CADM2: variants seen among roughly 807,000 people sequenced by gnomAD.
CADM2 encodes the protein immunoglobulin superfamily member 4D.
A neutral mutation model predicts 49.8 loss-of-function variants in CADM2; 12 were observed. The ratio of observed to expected loss-of-function variants is 0.24; its 90% CI spans 0.15 to 0.39. CADM2 has a LOEUF of 0.39. CADM2 is among the 10% of genes least tolerant of loss of function. The probability of loss-of-function intolerance (pLI) is 1.00; values close to 1 mark genes in which losing one functional copy is unlikely to be tolerated. For synonymous variants in CADM2, 214 were observed against 175.4 expected (o/e 1.22, Z -1.74); for missense variants, 378 against 492.3 (o/e 0.77, Z 2.20).
At chr3:85,271,346 T>C (rs1267932824) in intron 1 of CADM2, among the ~76,000 whole-genome samples, 2 of 151,340 alleles carry the variant, frequency 1.3e-5, no homozygotes, top group African/African-American at 2.4e-5. Flanking sequence ...TTTTATGAAA[T>C]GATTTATTAT....
intron 3 of CADM2, among the ~76,000 whole-genome samples, chr3:85,845,584 AG>A (rs2074846494): frequency 1.3e-5 from 2 of 152,154 alleles, no homozygotes; most frequent in African/African-American, 4.8e-5. Flanking sequence ...CAAAGTTTTT[AG>A]GTCTCATTGT....
intron 8 of CADM2, among the ~76,000 whole-genome samples, chr3:86,000,625 G>A (rs1000646732): frequency 6.6e-6 from 1 of 151,840 alleles, no homozygotes; most frequent in African/African-American, 2.4e-5. Flanking sequence ...ATGGGGAAGA[G>A]GAAGGAGTCT....
At chr3:85,234,713 A>G (rs1366831023) in intron 1 of CADM2, among the ~76,000 whole-genome samples, 1 of 152,116 alleles carries the variant, frequency 6.6e-6, no homozygotes, top group Non-Finnish European at 1.5e-5. Context: ...TTATTATACA[A>G]TGTAGAACTT....
chr3:85,131,168 A>C (rs1390090678), intron 1 of CADM2, among the ~76,000 whole-genome samples: 1 of 152,216 alleles, frequency 6.6e-6, no homozygotes, highest in Non-Finnish European at 1.5e-5. Flanking sequence ...AACAAGAGTG[A>C]AACTCCGTCT....
chr3:85,995,882 GA>G (rs1729343061), intron 8 of CADM2, among the ~76,000 whole-genome samples: 1 of 152,020 alleles, frequency 6.6e-6, no homozygotes, highest in Non-Finnish European at 1.5e-5. Flanking sequence ...GAGGTCAGGA[GA>G]TCAAGACCGT....
chr3:85,314,783 A>G (rs2044426461), intron 1 of CADM2, among the ~76,000 whole-genome samples: 1 of 152,220 alleles, frequency 6.6e-6, no homozygotes. Context: ...GGGAGATTGT[A>G]TAGTCAAATA....
chr3:85,204,605 G>T (rs541019702), intron 1 of CADM2, among the ~76,000 whole-genome samples: 119 of 152,082 alleles, frequency 7.8e-4, no homozygotes, highest in Admixed American at 1.8e-3. Flanking sequence ...TGCCCCCTCA[G>T]ACTAAAACAT....
intron 1 of CADM2, among the ~76,000 whole-genome samples, chr3:85,693,915 GAAAAA>G (rs146148213): frequency 8.2e-6 from 1 of 121,942 alleles, no homozygotes; most frequent in African/African-American, 3.0e-5. Flanking sequence ...AAAGAAAAAA[GAAAAA>G]AAAAAGAAAA....
intron 1 of CADM2, among the ~76,000 whole-genome samples, chr3:85,239,938 T>C (rs1391790455): frequency 6.6e-6 from 1 of 151,488 alleles, no homozygotes; most frequent in Admixed American, 6.6e-5. Flanking sequence ...AAGATTTGAT[T>C]ATGGCATTAA....
chr3:85,912,201 G>C (rs1717699099), intron 5 of CADM2, among the ~76,000 whole-genome samples, 172 bp from the exon 6 acceptor site: 1 of 152,008 alleles, frequency 6.6e-6, no homozygotes, highest in South Asian at 2.1e-4. Context: ...TATTTTTTAA[G>C]TAATTGTAAT....
At chr3:85,990,390 A>T (rs890130993) in intron 8 of CADM2, among the ~76,000 whole-genome samples, 2 of 152,170 alleles carry the variant, frequency 1.3e-5, no homozygotes, top group South Asian at 2.1e-4. Context: ...TCAGTAGGTT[A>T]GGTGTATTAA....
chr3:85,825,653 T>C (rs925229647), intron 3 of CADM2, among the ~76,000 whole-genome samples: 3 of 152,124 alleles, frequency 2.0e-5, no homozygotes, highest in Non-Finnish European at 4.4e-5. Context: ...ATTAAAGGGC[T>C]ATCTGTAGGA....
chr3:86,067,407 A>G lies in CADM2; in HGVS notation c.*624A>G, dbSNP rs568128322. On this transcript the variant is annotated 3_prime_UTR_variant, in exon 10 of 10. Coordinates refer to ENST00000383699, the MANE Select transcript of CADM2 (RefSeq NM_001167675.2). ...ATTTGCTATTGAAATATAGTATTTG[A>G]TACAGGAGCCATGTGTACGAATTGC... is the stretch of plus-strand genomic sequence containing the variant. 6.6e-6 allele frequency: 1 copy of G among 152,516 alleles called. No homozygotes were observed. The highest frequency in any genetic ancestry group is 1.5e-5 in the Non-Finnish European group (1 of 67,972). 9.4% of individuals were successfully genotyped at this position (152,516 alleles called of 1,614,324 possible).
chr3:85,624,633 T>A (rs910236521), intron 1 of CADM2, among the ~76,000 whole-genome samples: 1 of 152,230 alleles, frequency 6.6e-6, no homozygotes, highest in African/African-American at 2.4e-5. Context: ...ACCCCTGCCT[T>A]GTTTGGAGGA....
At chr3:85,417,455 C>G (rs1353061286) in intron 1 of CADM2, among the ~76,000 whole-genome samples, 2 of 152,068 alleles carry the variant, frequency 1.3e-5, no homozygotes, top group East Asian at 3.9e-4. Context: ...ATATTTTAAA[C>G]GATGTCACCA....
chr3:86,024,329 T>C (rs1173865485), intron 8 of CADM2, among the ~76,000 whole-genome samples: 2 of 152,216 alleles, frequency 1.3e-5, no homozygotes, highest in Non-Finnish European at 2.9e-5. Context: ...CTGAAACTTA[T>C]AATTTTTTAC....
intron 8 of CADM2, among the ~76,000 whole-genome samples, chr3:85,975,636 C>G (rs983860157): frequency 6.6e-6 from 1 of 151,432 alleles, no homozygotes; most frequent in African/African-American, 2.4e-5. Flanking sequence ...ATATATAATA[C>G]GACACAATTA....
chr3:85,765,274 C>A (rs978785629), intron 2 of CADM2, among the ~76,000 whole-genome samples: 4 of 152,078 alleles, frequency 2.6e-5, no homozygotes, highest in Admixed American at 1.3e-4. Flanking sequence ...AACCTGGATG[C>A]TTCTAAGATT....
chr3:86,007,396 T>C (rs978501675), intron 8 of CADM2, among the ~76,000 whole-genome samples: 1 of 152,070 alleles, frequency 6.6e-6, no homozygotes, highest in Non-Finnish European at 1.5e-5. Flanking sequence ...CTGGGGAAAA[T>C]GTTAATAGGT....
Sources: allele counts gnomAD v4.1 joint callset (sites outside exome capture counted in the v4.1 genomes callset), GRCh38; gene constraint gnomAD v4.1.1; transcripts MANE v1.5; gene names NCBI Gene and HGNC (gene_info 2026-07-23, HGNC 2026-07-21).